Variants in TBC1D5 observed in about 807,000 individuals in gnomAD.
TBC1D5 encodes TBC1 domain family, member 5.
Under a neutral mutation model 100.3 loss-of-function variants are expected in TBC1D5, and 75 were observed. That is an observed-to-expected ratio of 0.75 (90% CI 0.62 to 0.91). The LOEUF (loss-of-function observed/expected upper bound fraction) is 0.91, where lower values mean the gene tolerates loss of function less well. TBC1D5 is among the 40% of genes least tolerant of loss of function. The pLI is 0.00. For synonymous variants in TBC1D5, 323 were observed against 325.6 expected, an observed-to-expected ratio of 0.99 and a Z score of 0.09; for missense variants, 910 against 942.4, an observed-to-expected ratio of 0.97 and a Z score of 0.45.
chr3:17,175,668 GAGAT>G (rs1015262930), intron 19 of TBC1D5, among the ~76,000 whole-genome samples: 1 of 152,196 alleles, frequency 6.6e-6, no homozygotes, highest in Non-Finnish European at 1.5e-5. Flanking sequence ...TGGGAGCTAA[GAGAT>G]AGGACAGCAG....
At chr3:17,543,111 G>A (rs944279369) in intron 2 of TBC1D5, among the ~76,000 whole-genome samples, 2 of 152,068 alleles carry the variant, frequency 1.3e-5, no homozygotes, top group Admixed American at 6.6e-5. Flanking sequence ...TAGCGGAAGG[G>A]AAAGGAATGG....
At chr3:17,720,807 TTTC>T (rs1253117375) in intron 1 of TBC1D5, among the ~76,000 whole-genome samples, 1 of 151,862 alleles carries the variant, frequency 6.6e-6, no homozygotes, top group African/African-American at 2.4e-5. Flanking sequence ...AGAGTGAGAC[TTTC>T]TTTTTTTTTT....
chr3:17,402,510 C>A (rs533732737), intron 8 of TBC1D5, among the ~76,000 whole-genome samples: 1 of 152,066 alleles, frequency 6.6e-6, no homozygotes, highest in Admixed American at 6.6e-5. Context: ...GAGATGATTA[C>A]TATTATCCCC....
chr3:17,512,363 C>T (rs1335218949), intron 2 of TBC1D5, among the ~76,000 whole-genome samples: 1 of 151,944 alleles, frequency 6.6e-6, no homozygotes, highest in South Asian at 2.1e-4. Context: ...ATAAACATAA[C>T]ACTTACAATG....
At chr3:17,552,074 A>C (rs73160950) in intron 2 of TBC1D5, among the ~76,000 whole-genome samples, 11,003 of 152,082 alleles carry the variant, frequency 0.072, 812 homozygotes, top group African/African-American at 0.19. Flanking sequence ...TTTTATGTAA[A>C]TTTATTCCCT....
chr3:17,191,914 G>A (rs543236568), intron 18 of TBC1D5, among the ~76,000 whole-genome samples: 3 of 152,068 alleles, frequency 2.0e-5, no homozygotes, highest in South Asian at 2.1e-4. Context: ...ATGAGTCATC[G>A]CACCCAACTT....
Position 17,665,242 on chromosome 3 carries a change from G to A in TBC1D5, c.-100-41329C>T, listed in dbSNP as rs541891820. Among the ~76,000 whole-genome samples, 4 of 152,144 alleles carry A rather than the reference G, an allele frequency of 2.6e-5. No homozygotes were observed. In the South Asian group the frequency reaches 8.3e-4, roughly 32 times the overall value. On this transcript the variant is annotated intron_variant, in intron 1 of 21. Coordinates refer to ENST00000253692, the Ensembl canonical transcript of TBC1D5. The stretch of plus-strand genomic sequence containing the variant: ...AGCCTCCTACTTAACCTAGAAAGGG[G>A]CCTAGTAAGGCCCCAGGCAATGAAA...
chr3:17,598,514 C>A (rs1560245289), intron 2 of TBC1D5, among the ~76,000 whole-genome samples: 1 of 151,964 alleles, frequency 6.6e-6, no homozygotes, highest in Non-Finnish European at 1.5e-5. Flanking sequence ...TTTCAGAGTT[C>A]TTTTTTTTAA....
At chr3:17,579,765 A>G (rs976734902) in intron 2 of TBC1D5, among the ~76,000 whole-genome samples, 7 of 152,188 alleles carry the variant, frequency 4.6e-5, no homozygotes, top group East Asian at 1.9e-4. Flanking sequence ...AGTACCTGCC[A>G]TAAGTAAAAC....
intron 1 of TBC1D5, among the ~76,000 whole-genome samples, chr3:17,670,022 A>C (rs1314745101): frequency 6.6e-6 from 1 of 152,146 alleles, no homozygotes; most frequent in African/African-American, 2.4e-5. Context: ...AATAGCTGGG[A>C]TTACAGGCGC....
intron 3 of TBC1D5, among the ~76,000 whole-genome samples, chr3:17,456,508 T>C (rs2095088510): frequency 6.6e-6 from 1 of 152,176 alleles, no homozygotes; most frequent in African/African-American, 2.4e-5. Flanking sequence ...TAGACATTTC[T>C]CAAAAGAAGA....
chr3:17,331,775 GA>G (rs924954504), intron 13 of TBC1D5, among the ~76,000 whole-genome samples: 1 of 152,228 alleles, frequency 6.6e-6, no homozygotes, highest in African/African-American at 2.4e-5. Flanking sequence ...CAAGCCATGG[GA>G]ACATCTTGGC....
intron 1 of TBC1D5, among the ~76,000 whole-genome samples, chr3:17,719,563 A>G (rs2075523510): frequency 6.6e-6 from 1 of 152,182 alleles, no homozygotes; most frequent in Admixed American, 6.5e-5. Flanking sequence ...AAACTACAGC[A>G]CTGAAGAGAT....
At chr3:17,655,248 T>C (rs574552493) in intron 1 of TBC1D5, among the ~76,000 whole-genome samples, 30 of 138,174 alleles carry the variant, frequency 2.2e-4, no homozygotes, top group South Asian at 9.1e-4. Context: ...TAGGTGGGAA[T>C]TGAACAGTGA....
chr3:17,460,315 G>A (rs1287304940), intron 3 of TBC1D5, among the ~76,000 whole-genome samples: 2 of 152,112 alleles, frequency 1.3e-5, no homozygotes, highest in African/African-American at 4.8e-5. Context: ...CACTTTAATG[G>A]CTTCAAATTC....
At chr3:17,702,963 T>TA (rs2073419502) in intron 1 of TBC1D5, among the ~76,000 whole-genome samples, 1 of 152,148 alleles carries the variant, frequency 6.6e-6, no homozygotes, top group Non-Finnish European at 1.5e-5. Context: ...AGACCATAGC[T>TA]ATATTGATTC....
intron 21 of TBC1D5, among the ~76,000 whole-genome samples, chr3:17,162,116 G>C (rs552419293): frequency 1.3e-5 from 2 of 152,318 alleles, no homozygotes; most frequent in South Asian, 4.1e-4. Context: ...GTGCCAGCCT[G>C]GCAGAAAGAA....
intron 15 of TBC1D5, among the ~76,000 whole-genome samples, chr3:17,290,476 A>G (rs1238043974): frequency 1.3e-5 from 2 of 152,200 alleles, no homozygotes; most frequent in African/African-American, 4.8e-5. Flanking sequence ...TTCAATTAAA[A>G]CAAATCATGC....
intron 8 of TBC1D5, among the ~76,000 whole-genome samples, chr3:17,402,882 A>T (rs937497548): frequency 2.0e-5 from 3 of 152,124 alleles, no homozygotes; most frequent in African/African-American, 7.2e-5. Context: ...AAGACTATAC[A>T]ATATAACCTT....
Sources: allele counts gnomAD v4.1 joint callset (sites outside exome capture counted in the v4.1 genomes callset), GRCh38; gene constraint gnomAD v4.1.1; transcripts MANE v1.5; gene names NCBI Gene and HGNC (gene_info 2026-07-23, HGNC 2026-07-21).